ACTL6A: variants seen among roughly 807,000 people sequenced by gnomAD.
ACTL6A encodes the protein actin-like protein 6A.
A neutral mutation model predicts 59.2 loss-of-function variants in ACTL6A; 5 were observed. The ratio of observed to expected loss-of-function variants is 0.08; its 90% CI spans 0.04 to 0.18. The LOEUF is 0.18. ACTL6A is among the 10% of genes least tolerant of loss of function. The pLI, the probability that ACTL6A is intolerant of heterozygous loss-of-function variation, is 1.00. For synonymous variants in ACTL6A, 154 were observed against 171.8 expected (o/e 0.90, Z 0.81); for missense variants, 285 against 526.9 (o/e 0.54, Z 4.49).
intron 1 of ACTL6A, among the ~76,000 whole-genome samples, chr3:179,564,908 G>T (rs868325242): frequency 7.0e-6 from 1 of 141,890 alleles, no homozygotes; most frequent in Non-Finnish European, 1.5e-5. Flanking sequence ...TTTTTTAATA[G>T]AGATGGGTCT....
chr3:179,572,166 G>T (rs1164236581), intron 3 of ACTL6A, among the ~76,000 whole-genome samples: 1 of 152,180 alleles, frequency 6.6e-6, no homozygotes, highest in Non-Finnish European at 1.5e-5. Context: ...GCAAAAACTT[G>T]TTGTATATTT....
At chr3:179,584,085 A>G (rs576849514) in intron 12 of ACTL6A, among the ~76,000 whole-genome samples, 3 of 152,242 alleles carry the variant, frequency 2.0e-5, no homozygotes, top group South Asian at 2.1e-4. Context: ...AACAACAGAA[A>G]TTTGTTGTCT....
Position 179,562,993 on chromosome 3 carries a change from A to T in ACTL6A, c.-100A>T. On this transcript the variant is annotated 5_prime_UTR_variant, in exon 1 of 14. Transcript: ENST00000429709. ...CCTGAGGTGGGTGGCGGTGGAAGTT[A>T]AGGGAGTCAGGGGCTATCGCTCCTC... is the stretch of plus-strand genomic sequence containing the variant. 6.7e-7 allele frequency: 1 copy of T among 1,497,776 alleles called. No homozygotes were observed. The highest frequency in any genetic ancestry group is 9.1e-7 in the Non-Finnish European group (1 of 1,101,930). The allele number at this position is 1,497,776 out of a possible 1,614,324, so 92.8% of individuals were successfully genotyped here. A position where few individuals can be genotyped will look rare whatever the true frequency, so the allele number is the denominator to read the frequency against.
intron 11 of ACTL6A, 63 bp from the exon 12 acceptor site, chr3:179,583,290 G>A (rs1718388351): frequency 1.6e-6 from 2 of 1,279,306 alleles, no homozygotes; most frequent in East Asian, 2.3e-5. Flanking sequence ...TATATTTGTA[G>A]TTGTATTTAA....
Position 179,588,097 on chromosome 3 carries a change from T to C in ACTL6A, c.*87T>C. On this transcript the variant is annotated 3_prime_UTR_variant, in exon 14 of 14. Transcript: ENST00000429709. ...TCAGGAAAAGAATGACCATCTTTTG[T>C]AGAATGTTTATACATTTTTGCATAT... 1.0e-6 allele frequency: 1 copy of C among 998,580 alleles called. No individual in the cohort carries two copies. The highest frequency in any genetic ancestry group is 1.4e-6 in the Non-Finnish European group (1 of 703,604). The allele number at this position is 998,580 out of a possible 1,614,324, so 61.9% of individuals were successfully genotyped here. A position where few individuals can be genotyped will look rare whatever the true frequency, so the allele number is the denominator to read the frequency against.
Position 179,570,398 on chromosome 3 carries a change from A to G in ACTL6A, c.277+157A>G. 1.6e-6 allele frequency: 1 copy of G among 644,842 alleles called. No homozygotes were observed. Among genetic ancestry groups the G allele is most frequent in the East Asian group, 2.9e-5 (1 of 34,028 alleles). The allele number at this position is 644,842 out of a possible 1,614,324, so 39.9% of individuals were successfully genotyped here. ...ATTTCCAGACACTGAGAATACAAAG[A>G]TGCATAAGAAATGTTCCTTTTCATT... On this transcript the variant is annotated intron_variant, in intron 3 of 13. Coordinates refer to ENST00000429709, the MANE Select transcript of ACTL6A (RefSeq NM_004301.5). The surrounding 1 kb of genome is among the most constrained non-coding windows in gnomAD (Gnocchi z 4.3).
chr3:179,569,739 C>T (rs1717945594), intron 1 of ACTL6A, 85 bp from the exon 2 acceptor site: 1 of 1,149,974 alleles, frequency 8.7e-7, no homozygotes, highest in African/African-American at 1.5e-5. Flanking sequence ...TTGCTTGAGC[C>T]TAGGAGGTTG....
At chr3:179,575,462 G>A (rs1718139993) in intron 5 of ACTL6A, 1 of 456,616 alleles carries the variant, frequency 2.2e-6, no homozygotes, top group Non-Finnish European at 4.4e-6. Flanking sequence ...CAGTTTTGGT[G>A]CACCATTGTG....
At chr3:179,572,985 T>TTC (rs1191071349) in intron 3 of ACTL6A, among the ~76,000 whole-genome samples, 1 of 150,128 alleles carries the variant, frequency 6.7e-6, no homozygotes, top group Non-Finnish European at 1.5e-5. Flanking sequence ...ATTCTTTCTT[T>TTC]TTTTTTTTTT....
At position 179,570,491 on chromosome 3, in the gene ACTL6A, G is replaced by A. The variant is rs10513761; in HGVS notation, c.277+250G>A. 29,447 of 354,774 alleles carry A rather than the reference G, an allele frequency of 0.083. 1,424 individuals carry two copies. Among genetic ancestry groups the A allele is most frequent in the South Asian group, 0.15 (3,764 of 25,332 alleles). The allele number at this position is 354,774 out of a possible 1,614,324, so 22.0% of individuals were successfully genotyped here. ...AATAATGGTACACTGTGGGATAAGT[G>A]GTACAATATAGGTATGTGCAATGAG... On this transcript the variant is annotated intron_variant, in intron 3 of 13. Transcript: ENST00000429709. The surrounding 1 kb of genome is among the most constrained non-coding windows in gnomAD (Gnocchi z 4.3).
In ACTL6A at chr3:179,562,994, A is replaced by G; in HGVS notation, c.-99A>G. On this transcript the variant is annotated 5_prime_UTR_variant, in exon 1 of 14. Coordinates refer to ENST00000429709, the MANE Select transcript of ACTL6A (RefSeq NM_004301.5). ...CTGAGGTGGGTGGCGGTGGAAGTTA[A>G]GGGAGTCAGGGGCTATCGCTCCTCG... is the stretch of plus-strand genomic sequence containing the variant. 1 of 1,504,768 alleles carries G rather than the reference A, an allele frequency of 6.6e-7. No individual in the cohort carries two copies. The highest frequency in any genetic ancestry group is 1.2e-5 in the South Asian group (1 of 84,920). The allele number at this position is 1,504,768 out of a possible 1,614,324, so 93.2% of individuals were successfully genotyped here.
rs1050603697 is a variant in ACTL6A, at chr3:179,576,905, A to G, written c.760A>G (p.Met254Val). 2 of 1,612,264 alleles carry G rather than the reference A, an allele frequency of 1.2e-6. No individual in the cohort carries two copies. Among genetic ancestry groups the G allele is most frequent in the East Asian group, 2.2e-5 (1 of 44,866 alleles). The stretch of plus-strand genomic sequence containing the variant: ...GGTTACGAGGTCTTGGCACAATTAT[A>G]TGTGTAATGTAAGTAACCCTCATTC... ...PQVTRSWHNY[M>V]CNCVIQDFQA... is the part of the protein sequence containing the mutation. The change falls in exon 8 of 14, where the codon ATG (methionine) becomes GTG (valine). Residue 254 changes from methionine to valine, a missense_variant. Met to Val is a conservative substitution (Grantham distance 21, BLOSUM62 1). Transcript: ENST00000429709.
chr3:179,578,527 A>T (rs1317164395), intron 8 of ACTL6A, among the ~76,000 whole-genome samples: 1 of 152,124 alleles, frequency 6.6e-6, no homozygotes, highest in African/African-American at 2.4e-5. Context: ...CTGAGGTGGG[A>T]GAATCACCTG....
intron 12 of ACTL6A, chr3:179,583,866 T>C (rs1185754433): frequency 6.5e-6 from 1 of 153,666 alleles, no homozygotes; most frequent in Non-Finnish European, 1.4e-5. Flanking sequence ...ATAGTTTGAA[T>C]GAATAGTTCA....
chr3:179,568,845 A>G (rs531317814), intron 1 of ACTL6A, among the ~76,000 whole-genome samples: 1 of 152,346 alleles, frequency 6.6e-6, no homozygotes, highest in Middle Eastern at 3.4e-3. Flanking sequence ...AAAGCACTTA[A>G]CATGTTTAAT....
chr3:179,571,292 C>T (rs905292580), intron 3 of ACTL6A, among the ~76,000 whole-genome samples: 19 of 151,776 alleles, frequency 1.3e-4, no homozygotes, highest in Admixed American at 9.2e-4. Context: ...TGTGGTGATG[C>T]GTACCACCTG....
chr3:179,585,090 TTG>T (rs1718445635), intron 12 of ACTL6A, among the ~76,000 whole-genome samples: 2 of 152,120 alleles, frequency 1.3e-5, no homozygotes, highest in South Asian at 2.1e-4. Flanking sequence ...GATTGATTGA[TTG>T]GAGATTTATT....
intron 11 of ACTL6A, among the ~76,000 whole-genome samples, chr3:179,583,081 C>T (rs867570770): frequency 2.6e-5 from 4 of 152,084 alleles, no homozygotes; most frequent in Non-Finnish European, 4.4e-5. Context: ...AACGAGACCC[C>T]GTCTCTAAAA....
chr3:179,563,379 C>T (rs1403952945), intron 1 of ACTL6A, among the ~76,000 whole-genome samples: 1 of 152,166 alleles, frequency 6.6e-6, no homozygotes, highest in Non-Finnish European at 1.5e-5. Flanking sequence ...TTGGGGTGCG[C>T]GCTCGGTTCT....
Sources: allele counts gnomAD v4.1 joint callset (sites outside exome capture counted in the v4.1 genomes callset), GRCh38; gene constraint gnomAD v4.1.1; non-coding constraint Gnocchi (gnomAD v3.1); transcripts MANE v1.5; gene names NCBI Gene and HGNC (gene_info 2026-07-23, HGNC 2026-07-21).